DPP6: variants seen among roughly 807,000 people sequenced by gnomAD.
The protein encoded by DPP6 is A-type potassium channel modulatory protein DPP6.
A neutral mutation model predicts 122.6 loss-of-function variants in DPP6; 69 were observed. That is an observed-to-expected ratio of 0.56 (90% CI 0.46 to 0.69). DPP6 has a LOEUF of 0.69. DPP6 is among the 30% of genes least tolerant of loss of function. DPP6 has a pLI of 0.00. For missense variants in DPP6, 928 were observed against 1,116.9 expected (o/e 0.83, Z 2.41); for synonymous variants, 418 against 433.1 (o/e 0.97, Z 0.43).
chr7:154,885,392 C>T (rs1806062119), intron 21 of DPP6: 7 of 505,214 alleles, frequency 1.4e-5, no homozygotes, highest in Admixed American at 3.4e-5. Context: ...TTCATCCTCA[C>T]GTCCCTTGAC....
chr7:154,329,711 A>C (rs1023908743), intron 1 of DPP6, among the ~76,000 whole-genome samples: 1 of 152,238 alleles, frequency 6.6e-6, no homozygotes, highest in African/African-American at 2.4e-5. Context: ...AAATCATTCT[A>C]TAAGGACACT....
intron 1 of DPP6, among the ~76,000 whole-genome samples, chr7:153,957,032 AG>A (rs74370217): frequency 0.14 from 21,554 of 152,136 alleles, 2,047 homozygotes; most frequent in East Asian, 0.46. Context: ...ACTTCGGAAA[AG>A]TGTGTTTGTA....
intron 1 of DPP6, among the ~76,000 whole-genome samples, chr7:154,229,301 A>T (rs1800783518): frequency 6.6e-6 from 1 of 152,148 alleles, no homozygotes; most frequent in South Asian, 2.1e-4. Flanking sequence ...CTCCTATTGC[A>T]ATTCTTTGAG....
At chr7:153,952,561 A>T (rs888766535) in intron 1 of DPP6, among the ~76,000 whole-genome samples, 1 of 152,242 alleles carries the variant, frequency 6.6e-6, no homozygotes, top group Admixed American at 6.5e-5. Context: ...TGATGAGCAC[A>T]GTTTATTACG....
In DPP6 at chr7:154,422,019, G is replaced by A. The variant is rs575612443; in HGVS notation, c.244-24195G>A. On this transcript the variant is annotated intron_variant, in intron 1 of 25. Coordinates refer to ENST00000377770, the MANE Select transcript of DPP6 (RefSeq NM_130797.4). Reference sequence around the variant, plus strand: ...CAGGGTCAGGAAAGCAGGAAAACGTGGTGAAACATTCTGGGATTAGAATCG... The same window carrying A: ...CAGGGTCAGGAAAGCAGGAAAACGTAGTGAAACATTCTGGGATTAGAATCG... 9.8e-5 allele frequency among the ~76,000 whole-genome samples: 15 copies of A among 152,308 alleles called. 1 individual carries two copies. Among genetic ancestry groups the A allele is most frequent in the African/African-American group, 3.4e-4 (14 of 41,570 alleles).
chr7:154,545,983 G>A (rs979804250), intron 4 of DPP6, among the ~76,000 whole-genome samples: 4 of 152,262 alleles, frequency 2.6e-5, no homozygotes, highest in Middle Eastern at 3.4e-3. Flanking sequence ...TTAGTGATAC[G>A]TTTCAGGAGC....
At chr7:154,678,825 C>T (rs1235232601) in intron 7 of DPP6, among the ~76,000 whole-genome samples, 1 of 152,164 alleles carries the variant, frequency 6.6e-6, no homozygotes. Context: ...AGACTTAATC[C>T]CTGAGCTTCC....
At chr7:154,004,182 A>T (rs1398976429) in intron 1 of DPP6, among the ~76,000 whole-genome samples, 1 of 152,122 alleles carries the variant, frequency 6.6e-6, no homozygotes, top group African/African-American at 2.4e-5. Flanking sequence ...TACATTGTTG[A>T]GGTTAAGTTT....
chr7:154,715,534 G>C (rs73728203), intron 7 of DPP6, among the ~76,000 whole-genome samples: 2,064 of 152,280 alleles, frequency 0.014, 57 homozygotes, highest in African/African-American at 0.045. Flanking sequence ...ATTGTGATAG[G>C]CTATTTTAAG....
chr7:154,728,855 C>G (rs955744453), intron 8 of DPP6, among the ~76,000 whole-genome samples: 1 of 152,120 alleles, frequency 6.6e-6, no homozygotes, highest in African/African-American at 2.4e-5. Flanking sequence ...ATCTTTTTAT[C>G]TTTTTATCTC....
intron 1 of DPP6, among the ~76,000 whole-genome samples, chr7:154,013,520 C>A (rs1250775361): frequency 1.4e-5 from 2 of 144,956 alleles, no homozygotes; most frequent in Non-Finnish European, 3.0e-5. Context: ...AAACAACATA[C>A]AACCAAATAT....
chr7:154,768,894 T>C (rs1454621840), intron 8 of DPP6, among the ~76,000 whole-genome samples: 3 of 152,166 alleles, frequency 2.0e-5, no homozygotes, highest in African/African-American at 7.2e-5. Flanking sequence ...TGCTGGGCCT[T>C]TGGACTCATT....
At chr7:154,475,090 A>G (rs752681267) in intron 3 of DPP6, 53 bp downstream of exon 3, 2 of 1,344,782 alleles carry the variant, frequency 1.5e-6, no homozygotes, top group Non-Finnish European at 2.1e-6. Context: ...CCTCACCCCC[A>G]CTTTCAATAG....
In DPP6 at chr7:154,250,404, C is replaced by T. The variant is rs184387493; in HGVS notation, c.244-195810C>T. ...CAGTGTGGGCCTGCATTTGGGAGGG[C>T]GTGTGGGTGCGTGCGCTGGGGCTGG... is the stretch of plus-strand genomic sequence containing the variant. On this transcript the variant is annotated intron_variant, in intron 1 of 25. Coordinates refer to ENST00000377770, the MANE Select transcript of DPP6 (RefSeq NM_130797.4). 8.2e-4 allele frequency among the ~76,000 whole-genome samples: 125 copies of T among 152,142 alleles called. 2 individuals carry two copies. Among genetic ancestry groups the T allele is most frequent in the Non-Finnish European group, 1.5e-3 (100 of 68,014 alleles).
intron 1 of DPP6, among the ~76,000 whole-genome samples, chr7:154,287,884 CG>C (rs1382346342): frequency 2.6e-5 from 4 of 152,104 alleles, no homozygotes; most frequent in African/African-American, 9.7e-5. Flanking sequence ...ATACTAGAGG[CG>C]ATGGGGCAGG....
At chr7:154,343,329 C>T (rs934612944) in intron 1 of DPP6, among the ~76,000 whole-genome samples, 2 of 152,234 alleles carry the variant, frequency 1.3e-5, no homozygotes, top group African/African-American at 2.4e-5. Flanking sequence ...GCTCCAAAGA[C>T]TGCCTGTCTC....
chr7:154,756,025 A>G (rs1268883853), intron 8 of DPP6, among the ~76,000 whole-genome samples: 1 of 152,246 alleles, frequency 6.6e-6, no homozygotes, highest in Non-Finnish European at 1.5e-5. Context: ...GAAAAAAACA[A>G]TGAGCCTTCT....
intron 16 of DPP6, among the ~76,000 whole-genome samples, chr7:154,814,757 C>T (rs1799305899): frequency 6.6e-6 from 1 of 152,204 alleles, no homozygotes; most frequent in African/African-American, 2.4e-5. Flanking sequence ...CCACGTTTCT[C>T]TCGAGCTTCT....
At chr7:154,776,861 A>G (rs999770733) in intron 10 of DPP6, among the ~76,000 whole-genome samples, 2 of 152,214 alleles carry the variant, frequency 1.3e-5, no homozygotes, top group African/African-American at 4.8e-5. Context: ...ACCCTAAGCC[A>G]TGCCCCTGAG....
Sources: allele counts gnomAD v4.1 joint callset (sites outside exome capture counted in the v4.1 genomes callset), GRCh38; gene constraint gnomAD v4.1.1; transcripts MANE v1.5; gene names NCBI Gene and HGNC (gene_info 2026-07-23, HGNC 2026-07-21).